Variants in ITSN1 observed in about 807,000 individuals in gnomAD.
The protein encoded by ITSN1 is intersectin-1.
Under a neutral mutation model 239.8 loss-of-function variants are expected in ITSN1, and 58 were observed. That is an observed-to-expected ratio of 0.24 (90% CI 0.20 to 0.30). The LOEUF is 0.30. Ranked by LOEUF, ITSN1 falls within the 10% of genes least tolerant of loss-of-function variation. The pLI is 1.00. For missense variants in ITSN1, 1,558 were observed against 2,103.3 expected (o/e 0.74, Z 5.07); for synonymous variants, 780 against 770.8 (o/e 1.01, Z -0.20).
At chr21:33,872,006 TGTTA>T (rs1982832249) in intron 33 of ITSN1, among the ~76,000 whole-genome samples, 1 of 152,240 alleles carries the variant, frequency 6.6e-6, no homozygotes, top group African/African-American at 2.4e-5. Flanking sequence ...AGTATATAAA[TGTTA>T]GTTTTATCAT....
At chr21:33,730,192 G>C (rs2066084838) in intron 4 of ITSN1, among the ~76,000 whole-genome samples, 1 of 151,686 alleles carries the variant, frequency 6.6e-6, no homozygotes, top group Non-Finnish European at 1.5e-5. Context: ...CTAACAAAAA[G>C]GTGTGCTCAG....
In ITSN1 at chr21:33,836,650, T is replaced by C; in HGVS notation, c.3661+18T>C. On this transcript the variant is annotated intron_variant, in intron 29 of 39. Transcript: ENST00000381318. ...CCAGCAATGTAAGTGCCCTGGTGGCTCTGTCGCCTCGCCTCTCTGGTATCT... is the reference window on the plus strand; with the variant it reads ...CCAGCAATGTAAGTGCCCTGGTGGCCCTGTCGCCTCGCCTCTCTGGTATCT... 1 of 1,599,274 alleles carries C rather than the reference T, an allele frequency of 6.3e-7. No individual in the cohort carries two copies.
chr21:33,757,355 G>A (rs1427004569), intron 8 of ITSN1, among the ~76,000 whole-genome samples: 1 of 152,086 alleles, frequency 6.6e-6, no homozygotes, highest in East Asian at 1.9e-4. Flanking sequence ...ATCTGAGGCA[G>A]AAAGTAAAAT....
At chr21:33,746,306 A>T (rs577963505) in intron 5 of ITSN1, among the ~76,000 whole-genome samples, 8 of 152,328 alleles carry the variant, frequency 5.3e-5, no homozygotes, top group Middle Eastern at 3.4e-3. Flanking sequence ...ACATTAAAAA[A>T]TAACAGGAAA....
chr21:33,774,895 T>A lies in ITSN1; in HGVS notation c.1455+17T>A. On this transcript the variant is annotated intron_variant, in intron 13 of 39. Coordinates refer to ENST00000381318, the MANE Select transcript of ITSN1 (RefSeq NM_003024.3). ...GAAGCTCTAGTGAGTGAAGTTTGGT[T>A]ATACTTTGAAAATATACTAAGATGG... 6.2e-7 allele frequency: 1 copy of A among 1,607,522 alleles called. No homozygotes were observed. Among genetic ancestry groups the A allele is most frequent in the Admixed American group, 1.7e-5 (1 of 58,600 alleles).
intron 34 of ITSN1, among the ~76,000 whole-genome samples, chr21:33,877,059 C>CTATTTTTTTTTTTT: frequency 9.4e-6 from 1 of 106,404 alleles, no homozygotes; most frequent in African/African-American, 3.9e-5. Flanking sequence ...CTGTGGGCAC[C>CTATTTTTTTTTTTT]TTTTTTTTTT....
intron 16 of ITSN1, among the ~76,000 whole-genome samples, chr21:33,792,598 C>G (rs746586003): frequency 1.2e-4 from 19 of 152,136 alleles, no homozygotes; most frequent in Non-Finnish European, 2.6e-4. Context: ...TTAAGTTTTA[C>G]ATCCCTTGGT....
chr21:33,774,872 A>G lies in ITSN1; in HGVS notation c.1449A>G (p.Glu483=). 3 of 1,609,980 alleles carry G rather than the reference A, an allele frequency of 1.9e-6. No individual in the cohort carries two copies. The highest frequency in any genetic ancestry group is 1.3e-5 in the African/African-American group (1 of 74,664). Residue 483 remains glutamate, a synonymous_variant, in exon 13 of 40, where the codon GAA becomes GAG. Coordinates refer to ENST00000381318, the MANE Select transcript of ITSN1 (RefSeq NM_003024.3). ...AAAAGACTTTGGAATTTGAATTAGA[A>G]GCTCTAGTGAGTGAAGTTTGGTTAT... ...AKKKTLEFEL[E]ALNDKKHQLE...
chr21:33,830,709 G>A (rs2074245995), intron 27 of ITSN1, among the ~76,000 whole-genome samples: 1 of 152,164 alleles, frequency 6.6e-6, no homozygotes, highest in South Asian at 2.1e-4. Context: ...ACAAAATTGG[G>A]TTATGGACAC....
intron 39 of ITSN1, among the ~76,000 whole-genome samples, chr21:33,887,871 G>T (rs897859859): frequency 6.6e-6 from 1 of 152,090 alleles, no homozygotes; most frequent in Admixed American, 6.5e-5. Context: ...GCCTCCCAAA[G>T]TGCTGGGATT....
At chr21:33,767,667 A>G (rs1270407616) in intron 10 of ITSN1, 46 bp from the exon 11 acceptor site, 2 of 1,128,926 alleles carry the variant, frequency 1.8e-6, no homozygotes, top group Admixed American at 3.9e-5. Flanking sequence ...AACTCCACCC[A>G]GACAGCTCTG....
chr21:33,836,317 C>CCA, intron 28 of ITSN1, 124 bp from the exon 29 acceptor site: 1 of 607,782 alleles, frequency 1.6e-6, no homozygotes, highest in South Asian at 3.5e-5. Context: ...AGAACAGTTC[C>CCA]ACCTACTGTC....
intron 1 of ITSN1, among the ~76,000 whole-genome samples, chr21:33,677,215 A>G (rs375989400): frequency 1.3e-5 from 2 of 152,140 alleles, no homozygotes; most frequent in Non-Finnish European, 2.9e-5. Context: ...CTGAGCAAGT[A>G]TGTGGGTATT....
At chr21:33,652,930 C>G (rs1327950821) in intron 1 of ITSN1, among the ~76,000 whole-genome samples, 1 of 151,552 alleles carries the variant, frequency 6.6e-6, no homozygotes, top group Non-Finnish European at 1.5e-5. Flanking sequence ...CATCGTTCCC[C>G]AAAACTGAGG....
At chr21:33,745,010 T>A (rs2067095086) in intron 5 of ITSN1, among the ~76,000 whole-genome samples, 1 of 152,192 alleles carries the variant, frequency 6.6e-6, no homozygotes. Flanking sequence ...TTTATAAAAT[T>A]ATTACAGCTA....
intron 5 of ITSN1, among the ~76,000 whole-genome samples, chr21:33,745,690 C>T (rs1448230787): frequency 6.6e-6 from 1 of 152,158 alleles, no homozygotes; most frequent in Non-Finnish European, 1.5e-5. Context: ...GGAAGTCATG[C>T]CTGTGCCCAG....
intron 30 of ITSN1, among the ~76,000 whole-genome samples, chr21:33,858,293 G>A (rs1001207689): frequency 6.6e-5 from 10 of 152,246 alleles, no homozygotes; most frequent in Non-Finnish European, 1.2e-4. Context: ...GCAGATGAAG[G>A]GACTGTCCAC....
At chr21:33,762,370 G>A (rs924280188) in intron 9 of ITSN1, among the ~76,000 whole-genome samples, 7 of 151,418 alleles carry the variant, frequency 4.6e-5, no homozygotes, top group Middle Eastern at 6.8e-3. Context: ...GGGTTCAAGC[G>A]ATTCTCCTGC....
intron 1 of ITSN1, among the ~76,000 whole-genome samples, chr21:33,686,196 C>T (rs2091226190): frequency 6.6e-6 from 1 of 151,964 alleles, no homozygotes; most frequent in Non-Finnish European, 1.5e-5. Flanking sequence ...TATTTACATT[C>T]TACCTATTTC....
Sources: gnomAD v4.1 joint callset for allele counts (sites outside exome capture counted in the v4.1 genomes callset) on GRCh38, gnomAD v4.1.1 for gene constraint, MANE v1.5 for transcripts, NCBI Gene and HGNC (gene_info 2026-07-23, HGNC 2026-07-21) for gene names.